Variants in KCTD8 observed in about 807,000 individuals in gnomAD.
KCTD8 encodes the protein potassium channel tetramerization domain containing 8, also known as BTB/POZ domain-containing protein KCTD8.
A neutral mutation model predicts 31.5 loss-of-function variants in KCTD8; 27 were observed. The ratio of observed to expected loss-of-function variants is 0.86; its 90% confidence interval spans 0.63 to 1.18. KCTD8 has a LOEUF of 1.18. KCTD8 is among the 50% of genes most tolerant of loss of function. KCTD8 has a pLI of 0.00. For missense variants in KCTD8, 658 were observed against 647.7 expected, an observed-to-expected ratio of 1.02 and a Z score of -0.17; for synonymous variants, 290 against 280.0, an observed-to-expected ratio of 1.04 and a Z score of -0.36.
At chr4:44,250,170 G>C (rs962925194) in intron 1 of KCTD8, among the ~76,000 whole-genome samples, 1 of 151,750 alleles carries the variant, frequency 6.6e-6, no homozygotes, top group African/African-American at 2.4e-5. Flanking sequence ...TAGGCTCTTA[G>C]AAGTGAATAT....
intron 1 of KCTD8, among the ~76,000 whole-genome samples, chr4:44,235,561 A>T (rs868161519): frequency 1.9e-4 from 13 of 68,020 alleles, no homozygotes; most frequent in African/African-American, 6.8e-4. Flanking sequence ...ATATATATAT[A>T]TATATATATA....
chr4:44,241,588 G>A (rs569332579), intron 1 of KCTD8, among the ~76,000 whole-genome samples: 1 of 152,318 alleles, frequency 6.6e-6, no homozygotes, highest in South Asian at 2.1e-4. Context: ...CATATGCACA[G>A]GGCAGGATAC....
chr4:44,194,508 G>A (rs1464679618), intron 1 of KCTD8, among the ~76,000 whole-genome samples: 1 of 152,040 alleles, frequency 6.6e-6, no homozygotes, highest in Non-Finnish European at 1.5e-5. Flanking sequence ...CTATATTAAT[G>A]GTTATTCATT....
At chr4:44,200,363 A>T (rs1714102438) in intron 1 of KCTD8, among the ~76,000 whole-genome samples, 1 of 151,952 alleles carries the variant, frequency 6.6e-6, no homozygotes, top group South Asian at 2.1e-4. Context: ...AAAAAAAAAA[A>T]CTACAGGCCA....
intron 1 of KCTD8, among the ~76,000 whole-genome samples, chr4:44,279,727 G>A (rs1247809162): frequency 6.6e-6 from 1 of 152,004 alleles, no homozygotes; most frequent in African/African-American, 2.4e-5. Context: ...GCAGGGTGCA[G>A]GGTCTTTATG....
At chr4:44,201,854 A>G (rs188083022) in intron 1 of KCTD8, among the ~76,000 whole-genome samples, 223 of 152,288 alleles carry the variant, frequency 1.5e-3, no homozygotes, top group African/African-American at 4.8e-3. Flanking sequence ...TAGAGTAAAC[A>G]GTCTATGGAA....
chr4:44,381,030 A>G (rs566709208), intron 1 of KCTD8, among the ~76,000 whole-genome samples: 3 of 152,168 alleles, frequency 2.0e-5, no homozygotes, highest in South Asian at 4.1e-4. Context: ...TACCTCAGCT[A>G]TCTAATTAAT....
chr4:44,346,440 A>C (rs963820150), intron 1 of KCTD8, among the ~76,000 whole-genome samples: 11 of 152,132 alleles, frequency 7.2e-5, no homozygotes, highest in African/African-American at 2.2e-4. Flanking sequence ...GACAATTTCA[A>C]CTCTCATAGA....
intron 1 of KCTD8, among the ~76,000 whole-genome samples, chr4:44,341,619 A>G (rs754072675): frequency 6.6e-6 from 1 of 152,208 alleles, no homozygotes; most frequent in Non-Finnish European, 1.5e-5. Flanking sequence ...TTCCTTATTC[A>G]TAAGAAGCAA....
At chr4:44,397,880 A>T (rs944244400) in intron 1 of KCTD8, among the ~76,000 whole-genome samples, 1 of 152,140 alleles carries the variant, frequency 6.6e-6, no homozygotes, top group African/African-American at 2.4e-5. Context: ...TACCTAAAAA[A>T]TTGATTTTTT....
intron 1 of KCTD8, among the ~76,000 whole-genome samples, chr4:44,443,960 T>C (rs1040985363): frequency 6.6e-5 from 10 of 152,164 alleles, no homozygotes; most frequent in African/African-American, 2.2e-4. Flanking sequence ...ATCACTGTTT[T>C]TCCCCCAAGA....
intron 1 of KCTD8, among the ~76,000 whole-genome samples, chr4:44,272,091 G>A (rs1024472563): frequency 6.8e-6 from 1 of 146,332 alleles, no homozygotes; most frequent in Non-Finnish European, 1.5e-5. Flanking sequence ...ACATAGTAGA[G>A]GTCCATCAAT....
intron 1 of KCTD8, among the ~76,000 whole-genome samples, chr4:44,219,036 A>T (rs1714732387): frequency 6.6e-6 from 1 of 152,174 alleles, no homozygotes; most frequent in Admixed American, 6.5e-5. Context: ...TCTCCATGAG[A>T]TCATAACACA....
chr4:44,242,814 G>A (rs1715544535), intron 1 of KCTD8, among the ~76,000 whole-genome samples: 1 of 151,898 alleles, frequency 6.6e-6, no homozygotes, highest in Non-Finnish European at 1.5e-5. Flanking sequence ...AAAAGTGGGT[G>A]GCATCTTCCC....
At chr4:44,422,890 T>C (rs4695003) in intron 1 of KCTD8, among the ~76,000 whole-genome samples, 128,474 of 151,992 alleles carry the variant, frequency 0.85, 54,486 homozygotes, top group South Asian at 0.9. Context: ...CTCAGGATGG[T>C]AGAGGTGGCT....
intron 1 of KCTD8, among the ~76,000 whole-genome samples, chr4:44,327,562 A>C (rs933866736): frequency 3.3e-5 from 5 of 151,852 alleles, no homozygotes; most frequent in African/African-American, 1.2e-4. Context: ...ATCAAGGCTC[A>C]GGAAGAACAC....
At chr4:44,177,539 G>C (rs975862319) in intron 1 of KCTD8, among the ~76,000 whole-genome samples, 1 of 152,116 alleles carries the variant, frequency 6.6e-6, no homozygotes, top group African/African-American at 2.4e-5. Flanking sequence ...TGAATCATGG[G>C]GTTGGGTCTT....
chr4:44,183,892 A>C lies in KCTD8; in HGVS notation c.962-8642T>G, dbSNP rs533281129. 3.9e-5 allele frequency among the ~76,000 whole-genome samples: 6 copies of C among 152,338 alleles called. No homozygotes were observed. In the South Asian group the frequency reaches 8.3e-4, roughly 21 times the overall value. On this transcript the variant is annotated intron_variant, in intron 1 of 1. Transcript: ENST00000360029. ...TAGTACTAAACTCAATGATGTGTGA[A>C]TGGTTATGTGGTACTTAAACAGAAT...
intron 1 of KCTD8, among the ~76,000 whole-genome samples, chr4:44,187,887 A>G (rs1713634841): frequency 6.6e-6 from 1 of 152,122 alleles, no homozygotes; most frequent in Non-Finnish European, 1.5e-5. Flanking sequence ...ATGCAATACT[A>G]AACAGCTGCC....
Sources: gnomAD v4.1 joint callset for allele counts (sites outside exome capture counted in the v4.1 genomes callset) on GRCh38, gnomAD v4.1.1 for gene constraint, MANE v1.5 for transcripts, NCBI Gene and HGNC (gene_info 2026-07-23, HGNC 2026-07-21) for gene names.